TNIK: variants seen among roughly 807,000 people sequenced by gnomAD.
The protein encoded by TNIK is TRAF2 and NCK interacting kinase.
A neutral mutation model predicts 191.3 loss-of-function variants in TNIK; 49 were observed. The observed-to-expected ratio is 0.26, with a 90% CI of 0.20 to 0.32. The LOEUF is 0.32. Ranked by LOEUF, TNIK falls within the 10% of genes least tolerant of loss-of-function variation. The probability of loss-of-function intolerance (pLI) is 1.00; values close to 1 mark genes in which losing one functional copy is unlikely to be tolerated. For missense variants in TNIK, 1,155 were observed against 1,702.3 expected (o/e 0.68, Z 5.66); for synonymous variants, 594 against 600.9 (o/e 0.99, Z 0.17).
chr3:171,440,438 G>A (rs1164250986), intron 1 of TNIK, among the ~76,000 whole-genome samples: 8 of 152,142 alleles, frequency 5.3e-5, no homozygotes, highest in Non-Finnish European at 1.2e-4. Flanking sequence ...AAGGAGCTCT[G>A]ATCATTTGAG....
chr3:171,154,342 C>T (rs1393282937), intron 12 of TNIK, among the ~76,000 whole-genome samples: 1 of 151,298 alleles, frequency 6.6e-6, no homozygotes, highest in Non-Finnish European at 1.5e-5. Flanking sequence ...TATAACTGGA[C>T]AATGTTAGGA....
At chr3:171,070,692 G>A (rs1719076963) in intron 29 of TNIK, among the ~76,000 whole-genome samples, 1 of 151,706 alleles carries the variant, frequency 6.6e-6, no homozygotes, top group Admixed American at 6.6e-5. Context: ...ACTTAGACAA[G>A]GTAAAAAAAT....
chr3:171,083,201 T>C (rs1317137139), intron 26 of TNIK, among the ~76,000 whole-genome samples: 1 of 152,202 alleles, frequency 6.6e-6, no homozygotes, highest in East Asian at 1.9e-4. Flanking sequence ...CATGTAACTC[T>C]CTAACTTCTC....
chr3:171,105,993 C>A (rs1408799800), intron 21 of TNIK, among the ~76,000 whole-genome samples: 2 of 152,192 alleles, frequency 1.3e-5, no homozygotes, highest in Non-Finnish European at 2.9e-5. Flanking sequence ...TCTATAAATG[C>A]CATCCACACA....
chr3:171,281,615 T>G (rs1750433245), intron 2 of TNIK, among the ~76,000 whole-genome samples: 1 of 152,204 alleles, frequency 6.6e-6, no homozygotes, highest in African/African-American at 2.4e-5. Context: ...CAGTACACTT[T>G]AAGTATTATT....
chr3:171,447,565 C>T (rs1300848640), intron 1 of TNIK, among the ~76,000 whole-genome samples: 1 of 152,194 alleles, frequency 6.6e-6, no homozygotes, highest in Non-Finnish European at 1.5e-5. Context: ...GCCAGTCAGT[C>T]GTAAGCTCAG....
At chr3:171,383,882 C>T (rs1718391515) in intron 1 of TNIK, among the ~76,000 whole-genome samples, 1 of 152,166 alleles carries the variant, frequency 6.6e-6, no homozygotes, top group African/African-American at 2.4e-5. Context: ...CTACAATGTG[C>T]TATCACAGAC....
At chr3:171,088,560 C>G (rs1218526357) in intron 23 of TNIK, among the ~76,000 whole-genome samples, 1 of 152,124 alleles carries the variant, frequency 6.6e-6, no homozygotes, top group East Asian at 1.9e-4. Context: ...TATATAATGT[C>G]AGTGCAGTAG....
chr3:171,411,891 G>A (rs528884684), intron 1 of TNIK, among the ~76,000 whole-genome samples: 1 of 152,278 alleles, frequency 6.6e-6, no homozygotes, highest in African/African-American at 2.4e-5. Flanking sequence ...ACAAAGGATG[G>A]GGCGAGAAGT....
At chr3:171,149,149 T>C (rs907305418) in intron 12 of TNIK, among the ~76,000 whole-genome samples, 5 of 152,232 alleles carry the variant, frequency 3.3e-5, no homozygotes, top group Non-Finnish European at 7.3e-5. Context: ...TAGGAATAAC[T>C]AAGAAGACTG....
intron 2 of TNIK, among the ~76,000 whole-genome samples, chr3:171,292,875 C>T (rs1390293107): frequency 6.6e-6 from 1 of 151,608 alleles, no homozygotes; most frequent in African/African-American, 2.4e-5. Flanking sequence ...TCTGGTTTTC[C>T]CCTCTCACTC....
At chr3:171,208,018 G>C (rs1272920151) in intron 4 of TNIK, among the ~76,000 whole-genome samples, 1 of 152,088 alleles carries the variant, frequency 6.6e-6, no homozygotes, top group African/African-American at 2.4e-5. Context: ...CAGCAGAAAG[G>C]GTTCAGATGC....
At chr3:171,237,106 T>C (rs1182629843) in intron 2 of TNIK, among the ~76,000 whole-genome samples, 2 of 152,082 alleles carry the variant, frequency 1.3e-5, no homozygotes, top group African/African-American at 2.4e-5. Flanking sequence ...AGGACCACAC[T>C]GGTGTCATGA....
chr3:171,350,328 G>A (rs184566425), intron 2 of TNIK, among the ~76,000 whole-genome samples: 119 of 152,234 alleles, frequency 7.8e-4, no homozygotes, highest in African/African-American at 2.8e-3. Context: ...TGTTGAATCT[G>A]AATCTAGATT....
intron 2 of TNIK, among the ~76,000 whole-genome samples, chr3:171,254,291 A>G (rs1191647235): frequency 6.6e-6 from 1 of 152,094 alleles, no homozygotes; most frequent in East Asian, 1.9e-4. Context: ...CCATTCTCCA[A>G]ATTCTTCGGA....
At chr3:171,211,296 A>G in intron 3 of TNIK, 55 bp from the exon 4 acceptor site, 1 of 1,548,468 alleles carries the variant, frequency 6.5e-7, no homozygotes, top group East Asian at 2.3e-5. Context: ...TGTTAGTAGG[A>G]TTCTGTTCTT....
rs1716221215 is a variant in TNIK, at chr3:171,369,664, A to G, written c.79T>C (p.Leu27=). The G allele has an allele frequency of 2.5e-6, 4 of 1,574,672 alleles. No homozygotes were observed. The highest frequency in any genetic ancestry group is 3.5e-6 in the Non-Finnish European group (4 of 1,158,976). ...ALRDPAGIFE[L]VELVGNGTYG... ...GTTCCATTTCCAACAAGTTCCACCAATTCAAAGATCCCTGCGGGGTCCTGA... is the reference window on the plus strand; with the variant it reads ...GTTCCATTTCCAACAAGTTCCACCAGTTCAAAGATCCCTGCGGGGTCCTGA... The change falls in exon 2 of 33, where the codon TTG becomes CTG. Residue 27 remains leucine (L), a synonymous_variant. Transcript: ENST00000436636.
At chr3:171,338,665 T>G (rs903156957) in intron 2 of TNIK, among the ~76,000 whole-genome samples, 21 of 151,634 alleles carry the variant, frequency 1.4e-4, no homozygotes, top group African/African-American at 4.1e-4. Flanking sequence ...AGTTGTTTTT[T>G]TTTTTTTTTT....
At chr3:171,400,335 C>A (rs923672310) in intron 1 of TNIK, among the ~76,000 whole-genome samples, 2 of 152,016 alleles carry the variant, frequency 1.3e-5, no homozygotes, top group South Asian at 2.1e-4. Context: ...GAGGCCAAGG[C>A]GAGAGGATTG....
Sources: gnomAD v4.1 joint callset for allele counts (sites outside exome capture counted in the v4.1 genomes callset) on GRCh38, gnomAD v4.1.1 for gene constraint, MANE v1.5 for transcripts, NCBI Gene and HGNC (gene_info 2026-07-23, HGNC 2026-07-21) for gene names.